Variants in MARCHF8 observed in about 807,000 individuals in gnomAD.
The protein encoded by MARCHF8 is E3 ubiquitin-protein ligase MARCHF8.
MARCHF8 carries 40 observed loss-of-function variants against 51.6 expected under a neutral mutation model. The observed-to-expected ratio is 0.77, with a 90% CI of 0.60 to 1.01. MARCHF8 has a LOEUF of 1.01. Among genes scored for constraint, MARCHF8 ranks in the 50% least tolerant of loss-of-function variants. The pLI is 0.00. For synonymous variants in MARCHF8, 263 were observed against 280.3 expected (o/e 0.94, Z 0.62); for missense variants, 685 against 708.6 (o/e 0.97, Z 0.38).
intron 1 of MARCHF8, among the ~76,000 whole-genome samples, chr10:45,569,647 A>G (rs2044406544): frequency 1.3e-5 from 2 of 152,286 alleles, no homozygotes; most frequent in South Asian, 4.1e-4. Flanking sequence ...ATTTGACCTC[A>G]GTTGGGAAAA....
Position 45,456,960 on chromosome 10 carries a change from A to C in MARCHF8, c.*1279T>G, listed in dbSNP as rs1383284173. 2 of 152,344 alleles carry C rather than the reference A, an allele frequency of 1.3e-5. No individual in the cohort carries two copies. The highest frequency in any genetic ancestry group is 4.8e-5 in the African/African-American group (2 of 41,460). The allele number at this position is 152,344 out of a possible 1,614,324, so 9.4% of individuals were successfully genotyped here. A position where few individuals can be genotyped will look rare whatever the true frequency, so the allele number is the denominator to read the frequency against. ...TGGTTAAGGCGACAGCTGGGCGGGCATGTGGCCGGGGAGCAGTGGCACAGC... is the reference window on the plus strand; with the variant it reads ...TGGTTAAGGCGACAGCTGGGCGGGCCTGTGGCCGGGGAGCAGTGGCACAGC... On this transcript the variant is annotated 3_prime_UTR_variant, in exon 8 of 8. Transcript: ENST00000453424.
At chr10:45,579,870 C>T (rs898755772) in intron 1 of MARCHF8, among the ~76,000 whole-genome samples, 1 of 151,494 alleles carries the variant, frequency 6.6e-6, no homozygotes, top group East Asian at 1.9e-4. Context: ...AAAAGTTAGC[C>T]GGACGTGGTG....
At chr10:45,504,181 CACGCCTAT>C (rs1447693988) in intron 2 of MARCHF8, among the ~76,000 whole-genome samples, 2 of 152,234 alleles carry the variant, frequency 1.3e-5, no homozygotes, top group African/African-American at 4.8e-5. Flanking sequence ...CACAGTGGCT[CACGCCTAT>C]AATGCCAGCA....
intron 1 of MARCHF8, among the ~76,000 whole-genome samples, chr10:45,568,994 G>A (rs2044398304): frequency 6.6e-6 from 1 of 150,782 alleles, no homozygotes; most frequent in Non-Finnish European, 1.5e-5. Context: ...GAACCCGGGA[G>A]GCGGAGCTTG....
intron 1 of MARCHF8, among the ~76,000 whole-genome samples, chr10:45,574,684 G>A (rs1230655220): frequency 6.6e-6 from 1 of 152,128 alleles, no homozygotes; most frequent in Non-Finnish European, 1.5e-5. Flanking sequence ...TTTTAGCCTA[G>A]CCCTCCTGTC....
At chr10:45,558,192 G>C (rs564859621) in intron 1 of MARCHF8, among the ~76,000 whole-genome samples, 1 of 152,290 alleles carries the variant, frequency 6.6e-6, no homozygotes, top group East Asian at 1.9e-4. Flanking sequence ...TAGAGATTTT[G>C]TACATGACTG....
At chr10:45,569,038 C>T (rs771106695) in intron 1 of MARCHF8, among the ~76,000 whole-genome samples, 5 of 124,346 alleles carry the variant, frequency 4.0e-5, no homozygotes, top group African/African-American at 9.3e-5. Context: ...GCACTCCAGC[C>T]GGGGCGACAG....
chr10:45,517,535 C>T, intron 2 of MARCHF8, among the ~76,000 whole-genome samples: 1 of 152,286 alleles, frequency 6.6e-6, no homozygotes, highest in South Asian at 2.1e-4. Flanking sequence ...TGCTCCTGCT[C>T]TCGCCATATG....
chr10:45,459,390 T>C, intron 6 of MARCHF8, 123 bp from the exon 7 acceptor site: 2 of 1,112,554 alleles, frequency 1.8e-6, no homozygotes, highest in Non-Finnish European at 2.5e-6. Context: ...ACTAGATGCA[T>C]TCCCCCAAGT....
chr10:45,522,885 G>T (rs75691864), intron 2 of MARCHF8, among the ~76,000 whole-genome samples: 7,090 of 152,138 alleles, frequency 0.047, 193 homozygotes, highest in Middle Eastern at 0.12. Flanking sequence ...GTGATGGCTC[G>T]TGTCTATAAT....
chr10:45,572,677 C>T (rs898987773), intron 1 of MARCHF8, among the ~76,000 whole-genome samples: 1 of 152,188 alleles, frequency 6.6e-6, no homozygotes, highest in East Asian at 1.9e-4. Context: ...CCCAAATCTT[C>T]CTTCTTTCCC....
At chr10:45,580,118 A>C (rs2044538413) in intron 1 of MARCHF8, among the ~76,000 whole-genome samples, 2 of 152,028 alleles carry the variant, frequency 1.3e-5, no homozygotes, top group South Asian at 4.1e-4. Flanking sequence ...TCATCAAATG[A>C]TAACTATAAT....
rs866306134 is a variant in MARCHF8, at chr10:45,524,918, C to G, written c.102+8192G>C. ...TGGCCATGATAATACAGAGTAGGTT[C>G]AAGCATTAAACTGGGAGTTTGCCCA... is the stretch of plus-strand genomic sequence containing the variant. On this transcript the variant is annotated intron_variant, in intron 2 of 7. Transcript: ENST00000453424. Among the ~76,000 whole-genome samples the G allele has an allele frequency of 3.3e-5, 5 of 152,218 alleles. No homozygotes were observed. In the South Asian group the frequency reaches 1.0e-3, roughly 31 times the overall value.
At chr10:45,539,043 T>C (rs2044014550), upstream of MARCHF8, among the ~76,000 whole-genome samples, 1 of 152,114 alleles carries the variant, frequency 6.6e-6, no homozygotes, top group Non-Finnish European at 1.5e-5. Flanking sequence ...CCTCACCTAT[T>C]CCAAAATTGA....
chr10:45,487,049 G>A (rs1329517566), intron 3 of MARCHF8, among the ~76,000 whole-genome samples: 1 of 151,750 alleles, frequency 6.6e-6, no homozygotes, highest in Admixed American at 6.6e-5. Flanking sequence ...GACCTCAGGT[G>A]ATCCGCCCGC....
intron 3 of MARCHF8, 87 bp downstream of exon 3, chr10:45,489,280 A>G (rs530266398): frequency 2.7e-5 from 28 of 1,026,306 alleles, no homozygotes; most frequent in Middle Eastern, 2.2e-4. Context: ...GTCTTTTCAA[A>G]AAAAAAAAAA....
intron 4 of MARCHF8, 104 bp downstream of exon 4, chr10:45,464,135 C>A: frequency 1.3e-6 from 2 of 1,554,478 alleles, no homozygotes; most frequent in Non-Finnish European, 1.8e-6. Flanking sequence ...CTGTTTAGAC[C>A]AAAGGCAGAT....
In MARCHF8 at chr10:45,579,366, C is replaced by CTT. The variant is rs765304674; in HGVS notation, c.-79+14867_-79+14868dup. On this transcript the variant is annotated intron_variant, in intron 1 of 6. Coordinates refer to the MARCHF8 transcript ENST00000319836. ...AGACATAACTAGAAAACTAGGTAAG[C>CTT]TTTTTTTTTTTACAAAAATGACAGA... is the stretch of plus-strand genomic sequence containing the variant. Among the ~76,000 whole-genome samples, 36 of 143,078 alleles carry CTT rather than the reference C, an allele frequency of 2.5e-4. 1 individual carries two copies. The highest frequency in any genetic ancestry group is 2.0e-3 in the South Asian group (9 of 4,536). The allele number at this position is 143,078 out of a possible 152,430, so 93.9% of individuals were successfully genotyped here.
At chr10:45,563,765 A>C (rs1399842122) in intron 1 of MARCHF8, among the ~76,000 whole-genome samples, 1 of 152,232 alleles carries the variant, frequency 6.6e-6, no homozygotes, top group African/African-American at 2.4e-5. Flanking sequence ...ATAAAACATA[A>C]ATTAATTTCA....
Sources: allele counts gnomAD v4.1 joint callset (sites outside exome capture counted in the v4.1 genomes callset), GRCh38; gene constraint gnomAD v4.1.1; transcripts MANE v1.5; gene names NCBI Gene and HGNC (gene_info 2026-07-23, HGNC 2026-07-21).